The following TMEM108 variants were observed in gnomAD, a reference collection of about 807,000 sequenced individuals.
TMEM108 encodes the protein transmembrane protein 108.
In TMEM108, 12 loss-of-function variants were observed where a neutral mutation model predicts 35.1. The observed-to-expected ratio is 0.34, with a 90% CI of 0.22 to 0.55. The LOEUF is 0.55. TMEM108 is among the 20% of genes least tolerant of loss of function. The pLI is 0.89. For missense variants in TMEM108, 680 were observed against 753.3 expected, an observed-to-expected ratio of 0.90 and a Z score of 1.14; for synonymous variants, 287 against 308.6, an observed-to-expected ratio of 0.93 and a Z score of 0.73.
At chr3:133,366,065 C>T (rs1241584712) in intron 3 of TMEM108, among the ~76,000 whole-genome samples, 1 of 152,168 alleles carries the variant, frequency 6.6e-6, no homozygotes, top group Non-Finnish European at 1.5e-5. Context: ...ATCTTTTAAC[C>T]TCTCTGAACT....
chr3:133,304,835 A>C (rs1947278981), intron 3 of TMEM108, among the ~76,000 whole-genome samples: 1 of 152,132 alleles, frequency 6.6e-6, no homozygotes, highest in East Asian at 1.9e-4. Flanking sequence ...TAATCCCAGC[A>C]CTTTGGGAGG....
intron 2 of TMEM108, among the ~76,000 whole-genome samples, chr3:133,139,547 C>A (rs1430018602): frequency 1.3e-5 from 2 of 152,150 alleles, no homozygotes; most frequent in African/African-American, 4.8e-5. Context: ...ACTAGACACC[C>A]AATGACTAGG....
intron 4 of TMEM108, among the ~76,000 whole-genome samples, chr3:133,382,391 G>A (rs1284904939): frequency 6.6e-6 from 1 of 152,220 alleles, no homozygotes; most frequent in Non-Finnish European, 1.5e-5. Context: ...AGCTCTGAAA[G>A]GCAGCCTTCT....
At chr3:133,120,512 GCCATCCT>G (rs1231990223) in intron 2 of TMEM108, among the ~76,000 whole-genome samples, 1 of 152,134 alleles carries the variant, frequency 6.6e-6, no homozygotes, top group Non-Finnish European at 1.5e-5. Context: ...TCCTTTCCCA[GCCATCCT>G]CCTATGGTTA....
At chr3:133,215,966 C>A (rs1945901905) in intron 2 of TMEM108, among the ~76,000 whole-genome samples, 1 of 152,052 alleles carries the variant, frequency 6.6e-6, no homozygotes, top group Non-Finnish European at 1.5e-5. Context: ...TTTCATATAT[C>A]ATTGGGCCTA....
In TMEM108 at chr3:133,275,421, A is replaced by C. The variant is rs903383379; in HGVS notation, c.40+46070A>C. ...TTTTTCACATACATTTTCCATATTA[A>C]GTTTTTGAAATTCAATGTGTATTTT... On this transcript the variant is annotated intron_variant, in intron 3 of 5. Transcript: ENST00000321871. 4.0e-4 allele frequency among the ~76,000 whole-genome samples: 61 copies of C among 152,332 alleles called. 1 individual carries two copies. The highest frequency in any genetic ancestry group is 1.9e-3 in the Admixed American group (29 of 15,296).
chr3:133,113,799 G>A (rs1012960324), intron 2 of TMEM108, among the ~76,000 whole-genome samples: 1 of 151,986 alleles, frequency 6.6e-6, no homozygotes, highest in Non-Finnish European at 1.5e-5. Flanking sequence ...ATTGTTTGAC[G>A]AAGTATATAT....
In TMEM108 at chr3:133,379,793, G is replaced by A; in HGVS notation, c.82G>A (p.Ala28Thr). Residue 28 changes from alanine (A) to threonine (T), a missense_variant, in exon 4 of 6, where the codon GCC becomes ACC. Coordinates refer to ENST00000321871, the MANE Select transcript of TMEM108 (RefSeq NM_023943.4). The stretch of plus-strand genomic sequence containing the variant: ...GGCACTGACCGAAGCGCTGGCATTT[G>A]CCATCCAGGAACCATCTCCCAGGGA... ...ILALTEALAF[A>T]IQEPSPRESL... is the part of the protein sequence containing the mutation. 6.2e-7 allele frequency: 1 copy of A among 1,613,860 alleles called. No individual in the cohort carries two copies. Among genetic ancestry groups the A allele is most frequent in the Non-Finnish European group, 8.5e-7 (1 of 1,179,898 alleles).
At chr3:133,222,573 AT>A (rs1290675822) in intron 2 of TMEM108, among the ~76,000 whole-genome samples, 3 of 150,732 alleles carry the variant, frequency 2.0e-5, no homozygotes, top group Non-Finnish European at 4.4e-5. Flanking sequence ...CCTTTTTATT[AT>A]TTTTTTCTCC....
intron 3 of TMEM108, among the ~76,000 whole-genome samples, chr3:133,316,291 T>C (rs1302592594): frequency 6.6e-6 from 1 of 152,244 alleles, no homozygotes; most frequent in Admixed American, 6.5e-5. Context: ...TTTGTTTCCC[T>C]TCTTTGTATA....
intron 2 of TMEM108, among the ~76,000 whole-genome samples, chr3:133,225,120 C>T (rs1034585845): frequency 1.3e-5 from 2 of 150,172 alleles, no homozygotes; most frequent in East Asian, 2.0e-4. Flanking sequence ...AATCTTGGCT[C>T]ACTGCAATCT....
At chr3:133,122,699 TAAAA>T (rs1390871631) in intron 2 of TMEM108, among the ~76,000 whole-genome samples, 1 of 151,820 alleles carries the variant, frequency 6.6e-6, no homozygotes, top group Admixed American at 6.6e-5. Context: ...CCGTCTCTAC[TAAAA>T]ATACAAAAAA....
At chr3:133,395,067 C>T (rs1353571564) in intron 5 of TMEM108, among the ~76,000 whole-genome samples, 3 of 152,220 alleles carry the variant, frequency 2.0e-5, no homozygotes, top group South Asian at 2.1e-4. Context: ...TTTAGTAGCC[C>T]GTAAATGTTT....
intron 2 of TMEM108, among the ~76,000 whole-genome samples, chr3:133,130,089 T>C (rs1944471426): frequency 6.6e-6 from 1 of 152,114 alleles, no homozygotes; most frequent in Admixed American, 6.5e-5. Context: ...TTAAGTCAAA[T>C]TTAACTTTCA....
At chr3:133,192,452 T>C (rs1165810362) in intron 2 of TMEM108, among the ~76,000 whole-genome samples, 1 of 151,936 alleles carries the variant, frequency 6.6e-6, no homozygotes, top group Non-Finnish European at 1.5e-5. Context: ...GGAGAGTGTT[T>C]AGAGGAAGAA....
chr3:133,121,893 C>T (rs1357051476), intron 2 of TMEM108, among the ~76,000 whole-genome samples: 1 of 152,068 alleles, frequency 6.6e-6, no homozygotes, highest in East Asian at 1.9e-4. Context: ...AGTGTTCCTT[C>T]TAACCTTTGT....
Position 133,380,082 on chromosome 3 carries a change from C to A in TMEM108, c.371C>A (p.Thr124Asn). The change falls in exon 4 of 6, where the codon ACC becomes AAC. Residue 124 changes from threonine to asparagine, a missense_variant. This residue lies in a region of TMEM108 where 526 missense variants were observed against 532.1 expected (regional missense o/e 0.99). Coordinates refer to ENST00000321871, the MANE Select transcript of TMEM108 (RefSeq NM_023943.4). This position sits in a 1 kb window ranked among gnomAD's most constrained non-coding sequence, Gnocchi z 5.3. ...GGGCCCGCTCCAGCAGCCATGGCAA[C>A]CACATCCTCCAAGCCAGAGGGCCGC... is the stretch of plus-strand genomic sequence containing the variant. ...STGPAPAAMATTSSKPEGRPR... is the reference protein window; with the variant it reads ...STGPAPAAMANTSSKPEGRPR... 3 of 1,614,040 alleles carry A rather than the reference C, an allele frequency of 1.9e-6. No homozygotes were observed. The highest frequency in any genetic ancestry group is 2.5e-6 in the Non-Finnish European group (3 of 1,179,986).
intron 2 of TMEM108, among the ~76,000 whole-genome samples, chr3:133,100,066 C>T (rs748594684): frequency 6.6e-6 from 1 of 152,216 alleles, no homozygotes; most frequent in Non-Finnish European, 1.5e-5. Flanking sequence ...ATTGGATTTA[C>T]AGTTTCACAT....
At chr3:133,299,864 A>C (rs1407494667) in intron 3 of TMEM108, among the ~76,000 whole-genome samples, 1 of 152,174 alleles carries the variant, frequency 6.6e-6, no homozygotes, top group South Asian at 2.1e-4. Context: ...TGTAATTACC[A>C]TATCCCATTA....
Sources: gnomAD v4.1 joint callset for allele counts (sites outside exome capture counted in the v4.1 genomes callset) on GRCh38, gnomAD v4.1.1 for gene constraint, gnomAD v4.1.1 regional missense constraint, Gnocchi (gnomAD v3.1) non-coding constraint, MANE v1.5 for transcripts, NCBI Gene and HGNC (gene_info 2026-07-23, HGNC 2026-07-21) for gene names.